Variants in DLG1 observed in about 807,000 individuals in gnomAD.
DLG1 encodes discs large MAGUK scaffold protein 1.
In DLG1, 42 loss-of-function variants were observed where a neutral mutation model predicts 123.4. That is an observed-to-expected ratio of 0.34 (90% CI 0.27 to 0.44). The LOEUF is 0.44. Ranked by LOEUF, DLG1 falls within the 20% of genes least tolerant of loss-of-function variation. The pLI, the probability that DLG1 is intolerant of heterozygous loss-of-function variation, is 1.00. For synonymous variants in DLG1, 317 were observed against 356.2 expected, an observed-to-expected ratio of 0.89 and a Z score of 1.24; for missense variants, 942 against 1,082.6, an observed-to-expected ratio of 0.87 and a Z score of 1.82.
intron 23 of DLG1, 26 bp from the exon 24 acceptor site, chr3:197,051,694 T>TA: frequency 6.5e-7 from 1 of 1,538,126 alleles, no homozygotes; most frequent in Non-Finnish European, 9.0e-7. Context: ...TAGAAATTGA[T>TA]AATTACCAAA....
chr3:197,076,526 G>T, intron 18 of DLG1, 60 bp downstream of exon 18: 3 of 1,331,488 alleles, frequency 2.3e-6, no homozygotes, highest in Non-Finnish European at 3.2e-6. Context: ...ACAACCAACT[G>T]CAGGGCAGTA....
intron 1 of DLG1, chr3:197,297,670 T>A: frequency 8.1e-6 from 8 of 990,346 alleles, no homozygotes; most frequent in Non-Finnish European, 9.6e-6. Context: ...TCCTCTCGCT[T>A]GCCTTTCTCC....
chr3:197,120,830 AT>A (rs1445980117), intron 11 of DLG1, among the ~76,000 whole-genome samples: 1 of 152,210 alleles, frequency 6.6e-6, no homozygotes, highest in Non-Finnish European at 1.5e-5. Context: ...TCCAGTTCAT[AT>A]ATAAGATGCT....
intron 4 of DLG1, among the ~76,000 whole-genome samples, chr3:197,227,988 T>C (rs958996955): frequency 6.6e-6 from 1 of 152,220 alleles, no homozygotes; most frequent in African/African-American, 2.4e-5. Context: ...AGAGCCATAG[T>C]TGTTAAGCTG....
intron 19 of DLG1, among the ~76,000 whole-genome samples, chr3:197,067,551 G>T (rs1178132020): frequency 9.3e-5 from 10 of 107,376 alleles, no homozygotes; most frequent in African/African-American, 1.6e-4. Context: ...AACTCTGAGA[G>T]TTTTTTTTTT....
In DLG1 at chr3:197,051,646, C is replaced by G; in HGVS notation, c.2506G>C (p.Glu836Gln). 1.2e-6 allele frequency: 2 copies of G among 1,613,356 alleles called. No homozygotes were observed. The highest frequency in any genetic ancestry group is 2.2e-5 in the South Asian group (2 of 91,064). Residue 836 changes from glutamate to glutamine, a missense_variant, in exon 24 of 25, where the codon GAA becomes CAA. Physicochemically the swap from Glu to Gln is conservative, Grantham distance 29. Transcript: ENST00000667157. ...NIMEMNKRLT[E>Q]EQARKTFERA... is the part of the protein sequence containing the mutation. ...TCAAATGTTTTTCTGGCTTGTTCTTCTGTTAGACGCTTATTCATTTCCCTA... is the reference window on the plus strand; with the variant it reads ...TCAAATGTTTTTCTGGCTTGTTCTTGTGTTAGACGCTTATTCATTTCCCTA...
At chr3:197,162,962 G>T (rs977953718) in intron 5 of DLG1, among the ~76,000 whole-genome samples, 1 of 152,144 alleles carries the variant, frequency 6.6e-6, no homozygotes, top group Non-Finnish European at 1.5e-5. Flanking sequence ...CCTGATAAGG[G>T]TTTAATATCC....
chr3:197,282,140 A>G (rs1301144659), intron 4 of DLG1, among the ~76,000 whole-genome samples: 1 of 152,248 alleles, frequency 6.6e-6, no homozygotes, highest in Non-Finnish European at 1.5e-5. Flanking sequence ...ACAAAAAAGT[A>G]TATTACTAAG....
rs182054857 is a variant in DLG1, at chr3:197,111,866, T to C, written c.1443+4061A>G. Among the ~76,000 whole-genome samples the C allele has an allele frequency of 8.2e-3, 1,243 of 152,354 alleles. 8 individuals carry two copies. The highest frequency in any genetic ancestry group is 0.02 in the South Asian group (96 of 4,832). The stretch of plus-strand genomic sequence containing the variant: ...CTTTTAATTGCTGAGTAGTATTATA[T>C]TGTGTAAACATACCACAATTTAGCA... On this transcript the variant is annotated intron_variant, in intron 13 of 24. Transcript: ENST00000667157.
chr3:197,171,015 G>A (rs1339758970), intron 5 of DLG1, among the ~76,000 whole-genome samples: 1 of 152,078 alleles, frequency 6.6e-6, no homozygotes, highest in African/African-American at 2.4e-5. Flanking sequence ...GTGTCACTGT[G>A]GGTTAGTAAG....
At chr3:197,291,027 A>T (rs542352427) in intron 3 of DLG1, among the ~76,000 whole-genome samples, 7 of 152,236 alleles carry the variant, frequency 4.6e-5, no homozygotes, top group African/African-American at 1.7e-4. Flanking sequence ...TGCACTGAGG[A>T]AAAATATGAC....
chr3:197,048,427 T>C (rs763930173), intron 24 of DLG1, among the ~76,000 whole-genome samples: 40 of 152,240 alleles, frequency 2.6e-4, no homozygotes, highest in South Asian at 4.2e-4. Context: ...GCTGAGATCA[T>C]GCCACTGTAC....
In DLG1 at chr3:197,044,580, G is replaced by GA; in HGVS notation, c.*42dup. The GA allele has an allele frequency of 7.0e-7, 1 of 1,423,980 alleles. No individual in the cohort carries two copies. Among genetic ancestry groups the GA allele is most frequent in the Non-Finnish European group, 9.9e-7 (1 of 1,014,578 alleles). The allele number at this position is 1,423,980 out of a possible 1,614,324, so 88.2% of individuals were successfully genotyped here. A position where few individuals can be genotyped will look rare whatever the true frequency, so the allele number is the denominator to read the frequency against. ...GAGGAAAGGGCAAAGAGATGCCAAA[G>GA]AAAATGGAATTGTGGAAAAGAGAAA... On this transcript the variant is annotated 3_prime_UTR_variant, in exon 25 of 25. Coordinates refer to ENST00000667157, the MANE Select transcript of DLG1 (RefSeq NM_001366207.1).
At chr3:197,288,185 G>A (rs1301831264) in intron 3 of DLG1, among the ~76,000 whole-genome samples, 2 of 151,892 alleles carry the variant, frequency 1.3e-5, no homozygotes, top group Admixed American at 6.6e-5. Flanking sequence ...CCAACATGGT[G>A]AAACCCTGTC....
chr3:197,297,074 G>C lies in DLG1; in HGVS notation c.19+112C>G, dbSNP rs1321014255. ...TTAGATTCCCTAAGCAATAAAGCTAGGACCGTGCTGTCTCATCAAAGTTAC... is the reference window on the plus strand; with the variant it reads ...TTAGATTCCCTAAGCAATAAAGCTACGACCGTGCTGTCTCATCAAAGTTAC... On this transcript the variant is annotated intron_variant, in intron 2 of 24. Coordinates refer to ENST00000667157, the MANE Select transcript of DLG1 (RefSeq NM_001366207.1). The C allele has an allele frequency of 2.6e-6, 3 of 1,150,466 alleles. No homozygotes were observed. In the African/African-American group the frequency reaches 4.6e-5, roughly 17 times the overall value. 71.3% of individuals were successfully genotyped at this position (1,150,466 alleles called of 1,614,324 possible).
intron 14 of DLG1, among the ~76,000 whole-genome samples, chr3:197,092,983 A>C (rs1263848593): frequency 6.6e-6 from 1 of 152,194 alleles, no homozygotes; most frequent in Non-Finnish European, 1.5e-5. Flanking sequence ...CAGGTATTTA[A>C]AAGTCCAGCT....
chr3:197,076,547 C>T (rs761803060), intron 18 of DLG1, 39 bp downstream of exon 18: 7 of 1,514,196 alleles, frequency 4.6e-6, no homozygotes, highest in Non-Finnish European at 4.6e-6. Context: ...GGTCCCTCTC[C>T]ATTTTATTTT....
chr3:197,296,488 A>G lies in DLG1; in HGVS notation c.20-11T>C. On this transcript the variant is annotated splice_polypyrimidine_tract_variant and intron_variant, in intron 2 of 24. Coordinates refer to ENST00000667157, the MANE Select transcript of DLG1 (RefSeq NM_001366207.1). Reference sequence around the variant, plus strand: ...ATGCTCTCTGGGTATCTGAGAAGAAAAAGCAGAGCCTGATTAAAACTCTCT... The same window carrying G: ...ATGCTCTCTGGGTATCTGAGAAGAAGAAGCAGAGCCTGATTAAAACTCTCT... 6.2e-7 allele frequency: 1 copy of G among 1,612,806 alleles called. No individual in the cohort carries two copies. The highest frequency in any genetic ancestry group is 1.7e-5 in the Admixed American group (1 of 59,942).
rs79839733 is a variant in DLG1, at chr3:197,237,789, C to T, written c.319-43200G>A. ...AGCAGTAACAAGGTGCACAACCCTA[C>T]TTCTACATACTGTCACATGAGGAGC... On this transcript the variant is annotated intron_variant, in intron 4 of 24. Coordinates refer to ENST00000667157, the MANE Select transcript of DLG1 (RefSeq NM_001366207.1). 6.6e-3 allele frequency among the ~76,000 whole-genome samples: 999 copies of T among 152,352 alleles called. 6 individuals carry two copies. Among genetic ancestry groups the T allele is most frequent in the Non-Finnish European group, 0.01 (700 of 68,034 alleles).
Sources: allele counts gnomAD v4.1 joint callset (sites outside exome capture counted in the v4.1 genomes callset), GRCh38; gene constraint gnomAD v4.1.1; transcripts MANE v1.5; gene names NCBI Gene and HGNC (gene_info 2026-07-23, HGNC 2026-07-21).